The following TECPR2 variants were observed in gnomAD, a reference collection of about 807,000 sequenced individuals.
The protein encoded by TECPR2 is tectonin beta-propeller repeat containing 2.
In TECPR2, 65 loss-of-function variants were observed where a neutral mutation model predicts 138.1. That is an observed-to-expected ratio of 0.47 (90% CI 0.39 to 0.58). The LOEUF is 0.58. TECPR2 is among the 20% of genes least tolerant of loss of function. The pLI is 0.00. For missense variants in TECPR2, 1,553 were observed against 1,824.5 expected, an observed-to-expected ratio of 0.85 and a Z score of 2.71; for synonymous variants, 746 against 749.8, an observed-to-expected ratio of 0.99 and a Z score of 0.08.
Position 102,499,258 on chromosome 14 carries a change from G to C in TECPR2, c.*1001G>C. ...GTCTTTGGAATGGTGTTTAACTAAT[G>C]CTGCTGGCGGACATCCTAAAACCAG... On this transcript the variant is annotated 3_prime_UTR_variant, in exon 20 of 20. Coordinates refer to ENST00000359520, the MANE Select transcript of TECPR2 (RefSeq NM_014844.5). 1.5e-6 allele frequency: 1 copy of C among 660,468 alleles called. No homozygotes were observed. Among genetic ancestry groups the C allele is most frequent in the Non-Finnish European group, 2.8e-6 (1 of 358,550 alleles). 40.9% of individuals were successfully genotyped at this position (660,468 alleles called of 1,614,324 possible).
chr14:102,430,297 A>G (rs139998774), intron 7 of TECPR2, among the ~76,000 whole-genome samples: 3 of 152,338 alleles, frequency 2.0e-5, no homozygotes. Flanking sequence ...ATTTTGATCA[A>G]TTTGAATTTC....
chr14:102,482,892 G>A (rs1890925933), intron 17 of TECPR2, among the ~76,000 whole-genome samples: 2 of 135,126 alleles, frequency 1.5e-5, no homozygotes, highest in African/African-American at 2.8e-5. Context: ...CGCCCAGGCT[G>A]GAGTGCAGTG....
chr14:102,452,689 G>A (rs1367541778), intron 16 of TECPR2, 62 bp downstream of exon 16: 10 of 1,391,352 alleles, frequency 7.2e-6, no homozygotes, highest in African/African-American at 4.3e-5. Context: ...GCATCACAAC[G>A]TGATGTCGGA....
At chr14:102,458,975 A>G (rs1337988358) in intron 16 of TECPR2, among the ~76,000 whole-genome samples, 1 of 149,142 alleles carries the variant, frequency 6.7e-6, no homozygotes, top group Non-Finnish European at 1.5e-5. Flanking sequence ...ACATATATAT[A>G]TATATATATA....
intron 1 of TECPR2, among the ~76,000 whole-genome samples, chr14:102,372,507 C>A (rs1350846473): frequency 6.6e-6 from 1 of 152,178 alleles, no homozygotes; most frequent in African/African-American, 2.4e-5. Context: ...TCAGGTGATC[C>A]GCCCTGACTC....
chr14:102,491,179 C>T (rs1457105362), intron 17 of TECPR2, among the ~76,000 whole-genome samples: 1 of 152,160 alleles, frequency 6.6e-6, no homozygotes, highest in Non-Finnish European at 1.5e-5. Context: ...CAGGTGTGAG[C>T]CACCGCGCTC....
chr14:102,452,491 A>G lies in TECPR2; in HGVS notation c.3504A>G (p.Glu1168=). ...CCTCCACGGTGCAGCTGCCTCCCGA[A>G]GCCGAGATGCGCGCCTATGCCGCCT... ...SRPSTVQLPP[E]AEMRAYAACQ... Residue 1168 remains glutamate (E), a synonymous_variant, in exon 16 of 20, where the codon GAA becomes GAG. Coordinates refer to ENST00000359520, the MANE Select transcript of TECPR2 (RefSeq NM_014844.5). The G allele has an allele frequency of 6.2e-7, 1 of 1,613,458 alleles. No individual in the cohort carries two copies. Among genetic ancestry groups the G allele is most frequent in the Non-Finnish European group, 8.5e-7 (1 of 1,179,942 alleles).
At chr14:102,388,602 G>A (rs898694727) in intron 2 of TECPR2, among the ~76,000 whole-genome samples, 4 of 152,092 alleles carry the variant, frequency 2.6e-5, no homozygotes, top group South Asian at 4.1e-4. Flanking sequence ...GCCGAGGCAG[G>A]AGGATCACGA....
intron 2 of TECPR2, among the ~76,000 whole-genome samples, chr14:102,393,599 C>T (rs1195812579): frequency 2.0e-5 from 3 of 152,132 alleles, no homozygotes; most frequent in African/African-American, 7.2e-5. Context: ...CACTCTGTTG[C>T]CCAGACTGGA....
intron 9 of TECPR2, 125 bp from the exon 10 acceptor site, chr14:102,437,897 G>A: frequency 9.1e-7 from 1 of 1,101,800 alleles, no homozygotes; most frequent in Non-Finnish European, 1.3e-6. Context: ...GGGTTGACTT[G>A]GCGTCTTGCT....
At chr14:102,402,720 A>C (rs2139687586) in intron 2 of TECPR2, among the ~76,000 whole-genome samples, 2 of 152,324 alleles carry the variant, frequency 1.3e-5, no homozygotes, top group Middle Eastern at 3.4e-3. Flanking sequence ...CTTACTATTG[A>C]TTCAACAGAA....
At chr14:102,486,908 CA>C (rs1303198625) in intron 17 of TECPR2, among the ~76,000 whole-genome samples, 4 of 152,096 alleles carry the variant, frequency 2.6e-5, no homozygotes, top group African/African-American at 9.7e-5. Flanking sequence ...GGGTCTGCTA[CA>C]GGGAAAAAAG....
At chr14:102,485,511 A>G (rs1248127888) in intron 17 of TECPR2, among the ~76,000 whole-genome samples, 1 of 152,076 alleles carries the variant, frequency 6.6e-6, no homozygotes, top group Admixed American at 6.6e-5. Context: ...CTTTTCTCTC[A>G]TTCTGGAAGG....
chr14:102,370,245 T>C (rs573252654), intron 1 of TECPR2, among the ~76,000 whole-genome samples: 17 of 152,134 alleles, frequency 1.1e-4, no homozygotes, highest in African/African-American at 3.1e-4. Flanking sequence ...CTAATTTTTG[T>C]GTTTTAATAG....
intron 15 of TECPR2, among the ~76,000 whole-genome samples, 156 bp from the exon 16 acceptor site, chr14:102,452,238 A>G (rs1379527465): frequency 2.0e-5 from 3 of 152,148 alleles, no homozygotes; most frequent in Non-Finnish European, 4.4e-5. Context: ...AAAGTGCTAC[A>G]CCGCTCCTGC....
intron 2 of TECPR2, among the ~76,000 whole-genome samples, chr14:102,389,412 G>C (rs1315859364): frequency 6.6e-6 from 1 of 152,132 alleles, no homozygotes; most frequent in Non-Finnish European, 1.5e-5. Flanking sequence ...GTGGAAAAGA[G>C]GAAGCAAATG....
chr14:102,443,521 A>T lies in TECPR2; in HGVS notation c.2753-126A>T, dbSNP rs1450248007. 4.3e-5 allele frequency: 35 copies of T among 812,466 alleles called. No individual in the cohort carries two copies. The highest frequency in any genetic ancestry group is 4.7e-5 in the Non-Finnish European group (28 of 595,806). The allele number at this position is 812,466 out of a possible 1,614,324, so 50.3% of individuals were successfully genotyped here. A position where few individuals can be genotyped will look rare whatever the true frequency, so the allele number is the denominator to read the frequency against. ...AATTAATTAATTAAAGTTTTTTTTT[A>T]AAGCACTCATCATAAAAGAATATAG... On this transcript the variant is annotated intron_variant, in intron 11 of 19. Transcript: ENST00000359520. The surrounding 1 kb of genome is among the most constrained non-coding windows in gnomAD (Gnocchi z 4.9).
intron 9 of TECPR2, among the ~76,000 whole-genome samples, chr14:102,436,775 G>C (rs1055921630): frequency 6.6e-6 from 1 of 152,200 alleles, no homozygotes; most frequent in African/African-American, 2.4e-5. Flanking sequence ...GAGTCTTGAG[G>C]GGGAGCCAGG....
In TECPR2 at chr14:102,434,913, A is replaced by T; in HGVS notation, c.2096A>T (p.His699Leu). 1 of 1,613,870 alleles carries T rather than the reference A, an allele frequency of 6.2e-7. No individual in the cohort carries two copies. The highest frequency in any genetic ancestry group is 8.5e-7 in the Non-Finnish European group (1 of 1,180,036). ...ASGHLSTNLW[H>L]AVTDDDTGQK... ...GGCCACCTCAGCACAAATCTCTGGC[A>T]TGCTGTCACTGATGATGACACAGGT... is the stretch of plus-strand genomic sequence containing the variant. The change falls in exon 9 of 20, where the codon CAT (histidine) becomes CTT (leucine). Residue 699 changes from histidine to leucine, a missense_variant. Transcript: ENST00000359520.
Sources: allele counts gnomAD v4.1 joint callset (sites outside exome capture counted in the v4.1 genomes callset), GRCh38; gene constraint gnomAD v4.1.1; non-coding constraint Gnocchi (gnomAD v3.1); transcripts MANE v1.5; gene names NCBI Gene and HGNC (gene_info 2026-07-23, HGNC 2026-07-21).